Variants in PAPPA2 observed in about 807,000 individuals in gnomAD.
PAPPA2 encodes the protein pappalysin-2.
PAPPA2 carries 86 observed loss-of-function variants against 176.4 expected under a neutral mutation model. The observed-to-expected ratio is 0.49, with a 90% CI of 0.41 to 0.58. PAPPA2 has a LOEUF of 0.58. Ranked by LOEUF, PAPPA2 falls within the 20% of genes least tolerant of loss-of-function variation. The pLI is 0.00. For missense variants in PAPPA2, 2,073 were observed against 2,256.9 expected (o/e 0.92, Z 1.65); for synonymous variants, 809 against 852.2 (o/e 0.95, Z 0.88).
chr1:176,664,471 G>C (rs1390386175), intron 3 of PAPPA2, among the ~76,000 whole-genome samples: 1 of 152,134 alleles, frequency 6.6e-6, no homozygotes, highest in South Asian at 2.1e-4. Flanking sequence ...TTGCTTTTAA[G>C]TACTTGTATG....
intron 9 of PAPPA2, among the ~76,000 whole-genome samples, chr1:176,704,021 C>T (rs1660771342): frequency 6.6e-6 from 1 of 152,124 alleles, no homozygotes; most frequent in African/African-American, 2.4e-5. Flanking sequence ...ACTGGCAGGA[C>T]CCTCCTTGAA....
At chr1:176,671,633 T>C (rs902150004) in intron 4 of PAPPA2, among the ~76,000 whole-genome samples, 1 of 151,946 alleles carries the variant, frequency 6.6e-6, no homozygotes, top group Non-Finnish European at 1.5e-5. Context: ...ACAATCCTAT[T>C]CACAATAGCA....
Position 176,556,704 on chromosome 1 carries a change from C to T in PAPPA2, c.382C>T (p.Pro128Ser). 6.2e-7 allele frequency: 1 copy of T among 1,614,096 alleles called. No homozygotes were observed. Among genetic ancestry groups the T allele is most frequent in the Non-Finnish European group, 8.5e-7 (1 of 1,179,966 alleles). Residue 128 changes from proline to serine, a missense_variant, in exon 2 of 23, where the codon CCA becomes TCA. Pro to Ser is a moderately conservative substitution (Grantham distance 74). This residue lies in a region of PAPPA2 where 1,196 missense variants were observed against 1,330.4 expected (regional missense o/e 0.90). Transcript: ENST00000367662. Reference sequence around the variant, plus strand: ...GGGTGCAGTTGAAGAGCCGGCTGCCCCATGGGTAGGGGATAGTCCTATTGG... The same window carrying T: ...GGGTGCAGTTGAAGAGCCGGCTGCCTCATGGGTAGGGGATAGTCCTATTGG... ...LRGAVEEPAA[P>S]WVGDSPIGQS...
At chr1:176,827,182 C>T (rs527453992) in intron 21 of PAPPA2, among the ~76,000 whole-genome samples, 43 of 152,292 alleles carry the variant, frequency 2.8e-4, no homozygotes, top group Middle Eastern at 3.4e-3. Context: ...TCAACTCCTA[C>T]TTGGTCCTGG....
At chr1:176,756,706 CTT>C (rs1053747508) in intron 14 of PAPPA2, among the ~76,000 whole-genome samples, 5 of 151,386 alleles carry the variant, frequency 3.3e-5, no homozygotes, top group African/African-American at 7.3e-5. Context: ...AGATAAGACT[CTT>C]ATTATTATTA....
intron 1 of PAPPA2, among the ~76,000 whole-genome samples, chr1:176,476,672 A>G (rs1257333560): frequency 6.6e-6 from 1 of 152,178 alleles, no homozygotes; most frequent in South Asian, 2.1e-4. Flanking sequence ...TTTCATTTCA[A>G]TTGATCTCTT....
intron 3 of PAPPA2, among the ~76,000 whole-genome samples, chr1:176,633,827 C>A (rs886444725): frequency 2.0e-5 from 3 of 152,138 alleles, no homozygotes; most frequent in South Asian, 2.1e-4. Context: ...ATGCAGCCAA[C>A]AGACACATGA....
At chr1:176,753,706 A>G (rs994901631) in intron 14 of PAPPA2, among the ~76,000 whole-genome samples, 4 of 151,992 alleles carry the variant, frequency 2.6e-5, no homozygotes, top group East Asian at 1.9e-4. Flanking sequence ...GAAAGGCACT[A>G]TAGAAATGAA....
chr1:176,821,353 G>T (rs1666659568), intron 21 of PAPPA2, among the ~76,000 whole-genome samples: 1 of 152,152 alleles, frequency 6.6e-6, no homozygotes, highest in Non-Finnish European at 1.5e-5. Context: ...TTATAGAGGG[G>T]TAATTATTTG....
At chr1:176,589,851 C>T (rs1653548232) in intron 2 of PAPPA2, among the ~76,000 whole-genome samples, 1 of 152,182 alleles carries the variant, frequency 6.6e-6, no homozygotes, top group East Asian at 1.9e-4. Context: ...TCAGTCTTTA[C>T]TCTGCTAGAC....
chr1:176,826,748 T>C (rs1017524631), intron 21 of PAPPA2, among the ~76,000 whole-genome samples: 2 of 152,228 alleles, frequency 1.3e-5, no homozygotes, highest in African/African-American at 4.8e-5. Context: ...CTGGGGATGA[T>C]AAAATAGTTA....
At chr1:176,473,436 A>C (rs969244652) in intron 1 of PAPPA2, among the ~76,000 whole-genome samples, 2 of 152,044 alleles carry the variant, frequency 1.3e-5, no homozygotes, top group African/African-American at 2.4e-5. Flanking sequence ...ACTTACTGAG[A>C]GATATCTTGG....
intron 2 of PAPPA2, among the ~76,000 whole-genome samples, chr1:176,579,290 TG>T (rs1307086748): frequency 2.0e-5 from 3 of 152,082 alleles, no homozygotes; most frequent in Non-Finnish European, 4.4e-5. Flanking sequence ...AAGGAGGAAG[TG>T]GGGATTGAAG....
rs796957888 is a variant in PAPPA2, at chr1:176,676,456, GA to G, written c.2137+5352del. On this transcript the variant is annotated intron_variant, in intron 4 of 22. Transcript: ENST00000367662. ...GGATCTCAAGGGCATTATGCTAAGTGAAAAAAAAAAAGCCAATCTCAAAACT... is the reference window on the plus strand; with the variant it reads ...GGATCTCAAGGGCATTATGCTAAGTGAAAAAAAAAAGCCAATCTCAAAACT... 8.3e-3 allele frequency among the ~76,000 whole-genome samples: 1,152 copies of G among 138,800 alleles called. 13 individuals carry two copies. Among genetic ancestry groups the G allele is most frequent in the African/African-American group, 0.023 (861 of 38,074 alleles). The allele number at this position is 138,800 out of a possible 152,430, so 91.1% of individuals were successfully genotyped here.
intron 3 of PAPPA2, among the ~76,000 whole-genome samples, chr1:176,598,609 C>G (rs1365323293): frequency 6.6e-6 from 1 of 151,910 alleles, no homozygotes; most frequent in Non-Finnish European, 1.5e-5. Flanking sequence ...TCTTGATATT[C>G]TTGATTGTTT....
At chr1:176,829,289 GA>G (rs113825507) in intron 21 of PAPPA2, among the ~76,000 whole-genome samples, 109 of 144,936 alleles carry the variant, frequency 7.5e-4, no homozygotes, top group Middle Eastern at 3.7e-3. Context: ...AGAGAATGGG[GA>G]AAAAAAAAAA....
chr1:176,543,951 C>T (rs1650495212), intron 1 of PAPPA2, among the ~76,000 whole-genome samples: 1 of 152,208 alleles, frequency 6.6e-6, no homozygotes, highest in Non-Finnish European at 1.5e-5. Flanking sequence ...TGGCAGGGGT[C>T]TGAGTCACTG....
chr1:176,497,804 C>T (rs1647714695), intron 1 of PAPPA2, among the ~76,000 whole-genome samples: 1 of 152,184 alleles, frequency 6.6e-6, no homozygotes, highest in Middle Eastern at 3.2e-3. Context: ...CATTATCATG[C>T]ATGTACTATC....
intron 2 of PAPPA2, among the ~76,000 whole-genome samples, chr1:176,576,103 GTGAAATTACAGGGCTGGAGCA>G (rs139526365): frequency 0.011 from 1,668 of 152,266 alleles, 27 homozygotes; most frequent in African/African-American, 0.038. Flanking sequence ...ATTCCTAGAA[GTGAAATTACAGGGCTGGAGCA>G]TGAGGCTGTT....
Sources: gnomAD v4.1 joint callset for allele counts (sites outside exome capture counted in the v4.1 genomes callset) on GRCh38, gnomAD v4.1.1 for gene constraint, gnomAD v4.1.1 regional missense constraint, MANE v1.5 for transcripts, NCBI Gene and HGNC (gene_info 2026-07-23, HGNC 2026-07-21) for gene names.